Variants in ABCA9 observed in about 807,000 individuals in gnomAD.
ABCA9 encodes the protein ATP binding cassette subfamily A member 9.
A neutral mutation model predicts 205.3 loss-of-function variants in ABCA9; 183 were observed. The observed-to-expected ratio is 0.89, with a 90% CI of 0.79 to 1.01. The LOEUF (loss-of-function observed/expected upper bound fraction) is 1.01, where lower values mean the gene tolerates loss of function less well. Among genes scored for constraint, ABCA9 ranks in the 50% least tolerant of loss-of-function variants. The pLI, the probability that ABCA9 is intolerant of heterozygous loss-of-function variation, is 0.00. For missense variants in ABCA9, 1,805 were observed against 1,912.4 expected (o/e 0.94, Z 1.05); for synonymous variants, 651 against 683.3 (o/e 0.95, Z 0.74).
At position 68,990,029 on chromosome 17, in the gene ABCA9, T is replaced by C. The variant is rs932614718; in HGVS notation, c.3838-99A>G. ...CCAAACCTTTCCTTATAAAAAATCA[T>C]GAATCAAACCACTTCTTCCCCTAGA... On this transcript the variant is annotated intron_variant, in intron 29 of 38. Transcript: ENST00000340001. 37 of 818,046 alleles carry C rather than the reference T, an allele frequency of 4.5e-5. No individual in the cohort carries two copies. The Admixed American group carries it at 8.0e-4, about 18-fold the overall frequency. 50.7% of individuals were successfully genotyped at this position (818,046 alleles called of 1,614,324 possible).
the ABCA9 span, among the ~76,000 whole-genome samples, chr17:69,068,696 G>T: frequency 6.6e-6 from 1 of 152,108 alleles, no homozygotes; most frequent in Admixed American, 6.5e-5. Context: ...ATCTCTGAAA[G>T]AACTACTAAT....
At chr17:68,993,232 G>A (rs965582671) in intron 26 of ABCA9, 148 bp from the exon 27 acceptor site, 5 of 647,170 alleles carry the variant, frequency 7.7e-6, no homozygotes, top group South Asian at 4.0e-5. Flanking sequence ...AGTTAATTTC[G>A]GACTGTGCAG....
intron 3 of ABCA9, among the ~76,000 whole-genome samples, chr17:69,045,588 G>A (rs932369027): frequency 1.3e-5 from 2 of 151,996 alleles, no homozygotes; most frequent in Non-Finnish European, 1.5e-5. Flanking sequence ...GTATCATTCT[G>A]TTCTTACATT....
Position 69,012,100 on chromosome 17 carries a change from C to T in ABCA9, c.3040-17G>A. On this transcript the variant is annotated splice_polypyrimidine_tract_variant and intron_variant, in intron 22 of 38. Transcript: ENST00000340001. ...CATATGCTCCTGAAATCATGTGGAA[C>T]ATGGTGAGCTGATGGCGATTGGGCA... 6.4e-7 allele frequency: 1 copy of T among 1,558,828 alleles called. No individual in the cohort carries two copies. The highest frequency in any genetic ancestry group is 8.8e-7 in the Non-Finnish European group (1 of 1,137,020).
At position 69,026,375 on chromosome 17, in the gene ABCA9, A is replaced by T; in HGVS notation, c.2141+2T>A. On this transcript the variant is annotated splice_donor_variant, in intron 16 of 38. Coordinates refer to ENST00000340001, the MANE Select transcript of ABCA9 (RefSeq NM_080283.4). LOFTEE classifies it high-confidence loss of function. The stretch of plus-strand genomic sequence containing the variant: ...ACACGTCTCCAACATTCAGGGCTGT[A>T]CCTTAAATGGTAGCCTATGCCCCAT... 6.2e-7 allele frequency: 1 copy of T among 1,612,234 alleles called. No individual in the cohort carries two copies. The highest frequency in any genetic ancestry group is 8.5e-7 in the Non-Finnish European group (1 of 1,178,466).
At chr17:68,998,339 T>A (rs1414064591) in intron 25 of ABCA9, among the ~76,000 whole-genome samples, 1 of 152,238 alleles carries the variant, frequency 6.6e-6, no homozygotes, top group Non-Finnish European at 1.5e-5. Context: ...TGACCTTTCC[T>A]AGAACTGCAA....
chr17:69,050,453 T>C (rs1210143450), intron 2 of ABCA9, among the ~76,000 whole-genome samples: 1 of 152,138 alleles, frequency 6.6e-6, no homozygotes, highest in African/African-American at 2.4e-5. Flanking sequence ...TTTCTGAGTT[T>C]ACTAAATTTT....
At chr17:69,042,903 G>A (rs2071588738) in intron 6 of ABCA9, 1 of 152,632 alleles carries the variant, frequency 6.6e-6, no homozygotes, top group South Asian at 2.1e-4. Flanking sequence ...ACAAACAGGA[G>A]TGGGGAGATG....
intron 6 of ABCA9, among the ~76,000 whole-genome samples, chr17:69,036,871 C>CAAAAAAA (rs781565554): frequency 0.022 from 105 of 4,712 alleles, 40 homozygotes; most frequent in East Asian, 0.059. Context: ...AAATGGAAAG[C>CAAAAAAA]AAAAAAAAAA....
At chr17:69,048,096 G>A (rs1210039925) in intron 3 of ABCA9, among the ~76,000 whole-genome samples, 2 of 152,132 alleles carry the variant, frequency 1.3e-5, no homozygotes, top group Non-Finnish European at 2.9e-5. Flanking sequence ...GATCTTGTGA[G>A]AACTCACTAT....
intron 8 of ABCA9, 70 bp from the exon 9 acceptor site, chr17:69,033,943 C>A: frequency 7.9e-7 from 1 of 1,263,630 alleles, no homozygotes; most frequent in South Asian, 1.4e-5. Flanking sequence ...TGTTTTATTT[C>A]TGCTACAACT....
intron 25 of ABCA9, among the ~76,000 whole-genome samples, chr17:69,006,791 T>C (rs2070150932): frequency 6.6e-6 from 1 of 152,232 alleles, no homozygotes; most frequent in African/African-American, 2.4e-5. Flanking sequence ...TGAACTTTTC[T>C]ATAATGTAGG....
chr17:68,993,824 C>G (rs544058506), intron 26 of ABCA9, among the ~76,000 whole-genome samples: 1 of 152,114 alleles, frequency 6.6e-6, no homozygotes, highest in Non-Finnish European at 1.5e-5. Flanking sequence ...TCAATAATTG[C>G]ACCTCATCCA....
chr17:69,005,151 G>A (rs1346525029), intron 25 of ABCA9, among the ~76,000 whole-genome samples: 8 of 152,192 alleles, frequency 5.3e-5, no homozygotes, highest in Admixed American at 1.3e-4. Flanking sequence ...CGTCCCTCCT[G>A]GCTTATCTTT....
chr17:69,048,734 G>A (rs1298321236), intron 3 of ABCA9, among the ~76,000 whole-genome samples: 1 of 152,176 alleles, frequency 6.6e-6, no homozygotes, highest in Non-Finnish European at 1.5e-5. Flanking sequence ...TCTGCTTTCT[G>A]GTGGGTAATT....
chr17:68,984,872 G>A lies in ABCA9; in HGVS notation c.4379+13C>T. The A allele has an allele frequency of 1.2e-6, 2 of 1,614,148 alleles. No homozygotes were observed. The highest frequency in any genetic ancestry group is 1.7e-6 in the Non-Finnish European group (2 of 1,180,032). ...ATACACTCATGCAGAGGTTGCTCAT[G>A]ATAGCACCTCACCACATTTGCTGCT... On this transcript the variant is annotated intron_variant, in intron 34 of 38. Coordinates refer to ENST00000340001, the MANE Select transcript of ABCA9 (RefSeq NM_080283.4).
At chr17:68,987,245 T>C (rs1432915081) in intron 31 of ABCA9, among the ~76,000 whole-genome samples, 1 of 152,188 alleles carries the variant, frequency 6.6e-6, no homozygotes, top group Non-Finnish European at 1.5e-5. Flanking sequence ...GAAGCTGGGA[T>C]CCACCTTCAG....
At chr17:69,030,438 C>T (rs1242087263) in intron 10 of ABCA9, among the ~76,000 whole-genome samples, 1 of 152,148 alleles carries the variant, frequency 6.6e-6, no homozygotes, top group African/African-American at 2.4e-5. Context: ...CTCATCTAAC[C>T]CTAATTACTT....
At chr17:69,036,284 A>G (rs772584860) in intron 6 of ABCA9, among the ~76,000 whole-genome samples, 40 of 152,190 alleles carry the variant, frequency 2.6e-4, no homozygotes, top group East Asian at 9.6e-4. Context: ...ACAATATGTT[A>G]GTGATGTGTG....
Sources: allele counts gnomAD v4.1 joint callset (sites outside exome capture counted in the v4.1 genomes callset), GRCh38; gene constraint gnomAD v4.1.1; transcripts MANE v1.5; gene names NCBI Gene and HGNC (gene_info 2026-07-23, HGNC 2026-07-21).